RANBP2: variants seen among roughly 807,000 people sequenced by gnomAD.
The protein encoded by RANBP2 is E3 SUMO-protein ligase RanBP2.
In RANBP2, 57 loss-of-function variants were observed where a neutral mutation model predicts 303.6. That is an observed-to-expected ratio of 0.19 (90% CI 0.15 to 0.23). The LOEUF (loss-of-function observed/expected upper bound fraction) is 0.23, where lower values mean the gene tolerates loss of function less well. RANBP2 is among the 10% of genes least tolerant of loss of function. RANBP2 has a pLI of 1.00. For missense variants in RANBP2, 3,138 were observed against 3,780.8 expected, an observed-to-expected ratio of 0.83 and a Z score of 4.46; for synonymous variants, 1,167 against 1,301.5, an observed-to-expected ratio of 0.90 and a Z score of 2.23.
the RANBP2 span, among the ~76,000 whole-genome samples, chr2:109,314,823 A>G: frequency 6.6e-6 from 1 of 152,202 alleles, no homozygotes; most frequent in East Asian, 1.9e-4. Context: ...ATTTCTGTCT[A>G]GTGAATAGGA....
At position 108,734,806 on chromosome 2, in the gene RANBP2, C is replaced by G. The variant is rs1051857625; in HGVS notation, c.406-726C>G. On this transcript the variant is annotated intron_variant, in intron 4 of 28. Transcript: ENST00000283195. Reference sequence around the variant, plus strand: ...CAGTGGCAAGTGGATGGTTGAGGTTCGAGTGGAGGATAACATCACTGGAGA... The same window carrying G: ...CAGTGGCAAGTGGATGGTTGAGGTTGGAGTGGAGGATAACATCACTGGAGA... Among the ~76,000 whole-genome samples, 60 of 151,530 alleles carry G rather than the reference C, an allele frequency of 4.0e-4. 3 individuals are homozygous for G. Among genetic ancestry groups the G allele is most frequent in the Middle Eastern group, 3.4e-3 (1 of 294 alleles).
chr2:109,153,063 G>A, the RANBP2 span, among the ~76,000 whole-genome samples: 3 of 152,182 alleles, frequency 2.0e-5, no homozygotes, highest in African/African-American at 7.2e-5. Context: ...GGGACCATCT[G>A]CAAAGACAAG....
At chr2:108,846,949 T>C in the RANBP2 span, 1 of 1,340,296 alleles carries the variant, frequency 7.5e-7, no homozygotes, top group Admixed American at 2.0e-5. Context: ...TCAATTGTAC[T>C]TATGGTTAAT....
At chr2:108,947,566 C>T in the RANBP2 span, among the ~76,000 whole-genome samples, 1 of 152,184 alleles carries the variant, frequency 6.6e-6, no homozygotes, top group Non-Finnish European at 1.5e-5. Flanking sequence ...ACTCCCAAAG[C>T]TCAATTCTTG....
At chr2:109,218,836 AAC>A in the RANBP2 span, among the ~76,000 whole-genome samples, 3 of 152,288 alleles carry the variant, frequency 2.0e-5, no homozygotes, top group East Asian at 1.9e-4. Context: ...TGATTAATCA[AAC>A]ACACACACAA....
At chr2:109,669,995 C>T in the RANBP2 span, among the ~76,000 whole-genome samples, 18 of 152,080 alleles carry the variant, frequency 1.2e-4, no homozygotes, top group Non-Finnish European at 2.6e-4. Context: ...TTCTACCACC[C>T]TGGCCATGCT....
the RANBP2 span, chr2:109,449,269 G>A: frequency 1.2e-6 from 2 of 1,611,834 alleles, no homozygotes; most frequent in Admixed American, 1.7e-5. Context: ...ACCAGCCTCA[G>A]GCCCCACTCG....
At chr2:109,060,255 T>A in the RANBP2 span, among the ~76,000 whole-genome samples, 1 of 152,084 alleles carries the variant, frequency 6.6e-6, no homozygotes, top group Non-Finnish European at 1.5e-5. Context: ...ACTTAGAAAC[T>A]GAAAGTGCAG....
chr2:108,901,174 A>T, the RANBP2 span, among the ~76,000 whole-genome samples: 1 of 152,254 alleles, frequency 6.6e-6, no homozygotes. Flanking sequence ...ATAGAATCAG[A>T]ATATAAATAT....
the RANBP2 span, among the ~76,000 whole-genome samples, chr2:109,121,021 C>T: frequency 1.3e-5 from 2 of 151,992 alleles, no homozygotes; most frequent in African/African-American, 2.4e-5. Context: ...CCGAGGTGGG[C>T]GGATCACAAG....
chr2:109,710,275 G>A, the RANBP2 span, among the ~76,000 whole-genome samples: 8 of 151,760 alleles, frequency 5.3e-5, 1 homozygote, highest in Admixed American at 1.3e-4. Context: ...CCAGCTACTC[G>A]GGAGGCTGAG....
chr2:109,170,788 C>A, the RANBP2 span, among the ~76,000 whole-genome samples: 1 of 152,196 alleles, frequency 6.6e-6, no homozygotes, highest in African/African-American at 2.4e-5. Flanking sequence ...CTGTTTCTCT[C>A]AGGAAGCTGA....
chr2:109,412,668 G>A, the RANBP2 span, among the ~76,000 whole-genome samples: 6 of 152,338 alleles, frequency 3.9e-5, no homozygotes, highest in African/African-American at 1.4e-4. Flanking sequence ...CGGGCTTACC[G>A]TCAGCCAGAC....
chr2:108,812,311 ACTTTT>A, the RANBP2 span, among the ~76,000 whole-genome samples: 1 of 152,174 alleles, frequency 6.6e-6, no homozygotes, highest in Non-Finnish European at 1.5e-5. Flanking sequence ...AGGATTTTAT[ACTTTT>A]CTTTATATGT....
At chr2:109,488,682 G>A in the RANBP2 span, among the ~76,000 whole-genome samples, 13,765 of 152,130 alleles carry the variant, frequency 0.09, 896 homozygotes, top group African/African-American at 0.19. Context: ...AAGTTGTGCC[G>A]CCAACAAGAG....
chr2:108,986,288 A>G, the RANBP2 span, among the ~76,000 whole-genome samples: 1 of 152,190 alleles, frequency 6.6e-6, no homozygotes, highest in Non-Finnish European at 1.5e-5. Flanking sequence ...ACAAAGAACA[A>G]AACTGAGACT....
the RANBP2 span, among the ~76,000 whole-genome samples, chr2:108,939,909 G>A: frequency 0.69 from 105,441 of 152,100 alleles, 39,103 homozygotes; most frequent in Non-Finnish European, 0.83. Context: ...GCACCTTAAA[G>A]TATTTGTGGT....
the RANBP2 span, among the ~76,000 whole-genome samples, chr2:109,471,206 C>CAAAAAAA: frequency 1.0e-4 from 4 of 40,140 alleles, no homozygotes; most frequent in Non-Finnish European, 2.0e-4. Flanking sequence ...GACTCTGTCT[C>CAAAAAAA]AAAAAAAAAA....
chr2:109,601,745 A>G, the RANBP2 span, among the ~76,000 whole-genome samples: 1 of 151,076 alleles, frequency 6.6e-6, no homozygotes, highest in East Asian at 2.0e-4. Context: ...AGCTCAAAAT[A>G]TCTTTCTACA....
Sources: gnomAD v4.1 joint callset for allele counts (sites outside exome capture counted in the v4.1 genomes callset) on GRCh38, gnomAD v4.1.1 for gene constraint, MANE v1.5 for transcripts, NCBI Gene and HGNC (gene_info 2026-07-23, HGNC 2026-07-21) for gene names.